Variants in KICS2 observed in about 807,000 individuals in gnomAD.
KICS2 encodes KICSTOR subunit 2.
Under a neutral mutation model 31.4 loss-of-function variants are expected in KICS2, and 13 were observed. The ratio of observed to expected loss-of-function variants is 0.41; its 90% CI spans 0.27 to 0.66. The LOEUF (loss-of-function observed/expected upper bound fraction) is 0.66, where lower values mean the gene tolerates loss of function less well. Among genes scored for constraint, KICS2 ranks in the 30% least tolerant of loss-of-function variants. The pLI is 0.28. For synonymous variants in KICS2, 209 were observed against 214.8 expected (o/e 0.97, Z 0.24); for missense variants, 455 against 545.4 (o/e 0.83, Z 1.65).
At position 64,215,830 on chromosome 12, in the gene KICS2, G is replaced by A. The variant is rs756122982; in HGVS notation, c.369C>T (p.Ser123=). ...GTAPHVEELL[S]HLSEQLCFFV... is the part of the protein sequence containing the mutation. ...AGAAGCAGAGCTGCTCTGACAGGTG[G>A]GAAAGGAGTTCTTCCACGTGAGGAG... The change falls in exon 2 of 3, where the codon TCC becomes TCT. Residue 123 remains serine, a synonymous_variant. Coordinates refer to ENST00000398055, the MANE Select transcript of KICS2 (RefSeq NM_152440.5). 6.2e-7 allele frequency: 1 copy of A among 1,613,962 alleles called. No individual in the cohort carries two copies. The highest frequency in any genetic ancestry group is 8.5e-7 in the Non-Finnish European group (1 of 1,179,986).
At chr12:64,212,232 C>T (rs151155497) in intron 2 of KICS2, among the ~76,000 whole-genome samples, 2 of 152,216 alleles carry the variant, frequency 1.3e-5, no homozygotes, top group Non-Finnish European at 2.9e-5. Flanking sequence ...CAGAATTGCG[C>T]AACCATCACC....
intron 2 of KICS2, among the ~76,000 whole-genome samples, chr12:64,207,669 A>G (rs1240846565): frequency 1.3e-5 from 2 of 152,176 alleles, no homozygotes; most frequent in Non-Finnish European, 2.9e-5. Context: ...ACACATGTGG[A>G]GCAGACCTAA....
intron 2 of KICS2, among the ~76,000 whole-genome samples, chr12:64,208,506 C>A (rs1026724419): frequency 4.6e-5 from 7 of 152,174 alleles, no homozygotes; most frequent in Non-Finnish European, 7.3e-5. Flanking sequence ...ACTAGTTTTG[C>A]TTGTGAAATT....
chr12:64,206,555 T>A lies in KICS2; in HGVS notation c.521+9123A>T, dbSNP rs1336642219. Among the ~76,000 whole-genome samples, 4 of 152,166 alleles carry A rather than the reference T, an allele frequency of 2.6e-5. No homozygotes were observed. The East Asian group carries it at 7.7e-4, about 29-fold the overall frequency. On this transcript the variant is annotated intron_variant, in intron 2 of 2. Coordinates refer to ENST00000398055, the MANE Select transcript of KICS2 (RefSeq NM_152440.5). ...CAGAGGAAGGAACAATTCCTTTTGGTCAAAAGATTGTGGAAGCCATAGAGG... is the reference window on the plus strand; with the variant it reads ...CAGAGGAAGGAACAATTCCTTTTGGACAAAAGATTGTGGAAGCCATAGAGG...
At chr12:64,221,908 G>A in intron 1 of KICS2, 95 bp downstream of exon 1, 4 of 1,329,458 alleles carry the variant, frequency 3.0e-6, no homozygotes, top group Middle Eastern at 2.5e-4. Flanking sequence ...GCGACTAGAA[G>A]TGACACAGAG....
At position 64,193,780 on chromosome 12, in the gene KICS2, T is replaced by A. The variant is rs544852380; in HGVS notation, c.*62A>T. On this transcript the variant is annotated 3_prime_UTR_variant, in exon 3 of 3. Transcript: ENST00000398055. ...TGTAAACTCTATTCACAGACCACCGTAGATCATTAGGGCAATTAAGAACAG... is the reference window on the plus strand; with the variant it reads ...TGTAAACTCTATTCACAGACCACCGAAGATCATTAGGGCAATTAAGAACAG... The A allele has an allele frequency of 2.5e-5, 39 of 1,531,010 alleles. No individual in the cohort carries two copies. The highest frequency in any genetic ancestry group is 3.2e-5 in the Non-Finnish European group (37 of 1,140,174). 94.8% of individuals were successfully genotyped at this position (1,531,010 alleles called of 1,614,324 possible). A position where few individuals can be genotyped will look rare whatever the true frequency, so the allele number is the denominator to read the frequency against.
Position 64,194,648 on chromosome 12 carries a change from G to T in KICS2, c.532C>A (p.Pro178Thr). The T allele has an allele frequency of 6.2e-7, 1 of 1,608,138 alleles. No individual in the cohort carries two copies. Among genetic ancestry groups the T allele is most frequent in the African/African-American group, 1.3e-5 (1 of 74,836 alleles). ...MKKYSSRFHH[P>T]ILSPLESSFQ... ...CTGCTTTCCAAAGGACTGAGGATTG[G>T]GTGGTGAAATCTAAAGGGGAGAGGG... Residue 178 changes from proline to threonine, a missense_variant, in exon 3 of 3, where the codon CCA becomes ACA. Pro to Thr is a conservative substitution (Grantham distance 38). Transcript: ENST00000398055.
chr12:64,221,895 C>G, intron 1 of KICS2, 108 bp downstream of exon 1: 1 of 1,229,274 alleles, frequency 8.1e-7, no homozygotes, highest in South Asian at 1.5e-5. Context: ...CCGAGTCGAG[C>G]CTGCGACTAG....
At position 64,192,558 on chromosome 12, in the gene KICS2, A is replaced by C. The variant is rs1412695408; in HGVS notation, c.*1284T>G. The C allele has an allele frequency of 1.0e-6, 1 of 970,904 alleles. No individual in the cohort carries two copies. 60.1% of individuals were successfully genotyped at this position (970,904 alleles called of 1,614,324 possible). A position where few individuals can be genotyped will look rare whatever the true frequency, so the allele number is the denominator to read the frequency against. On this transcript the variant is annotated 3_prime_UTR_variant, in exon 3 of 3. Coordinates refer to ENST00000398055, the MANE Select transcript of KICS2 (RefSeq NM_152440.5). ...ACACCCAGTAAAACAGTGGCTCCACACAATCATGGGAAAAAAGACGAATAT... is the reference window on the plus strand; with the variant it reads ...ACACCCAGTAAAACAGTGGCTCCACCCAATCATGGGAAAAAAGACGAATAT...
At chr12:64,203,134 C>G (rs2037506221) in intron 2 of KICS2, among the ~76,000 whole-genome samples, 2 of 152,190 alleles carry the variant, frequency 1.3e-5, no homozygotes, top group Non-Finnish European at 2.9e-5. Context: ...ATAGCTGCCT[C>G]CTCTATTCGC....
chr12:64,188,699 C>T (rs1454592576), downstream of KICS2, among the ~76,000 whole-genome samples: 2 of 151,640 alleles, frequency 1.3e-5, no homozygotes, highest in Admixed American at 6.6e-5. Flanking sequence ...ATAATATTTA[C>T]CAAAAAAAAT....
chr12:64,192,670 C>A lies in KICS2; in HGVS notation c.*1172G>T. The A allele has an allele frequency of 1.0e-6, 1 of 985,404 alleles. No homozygotes were observed. The highest frequency in any genetic ancestry group is 1.2e-6 in the Non-Finnish European group (1 of 829,928). The allele number at this position is 985,404 out of a possible 1,614,324, so 61.0% of individuals were successfully genotyped here. ...TTTGTGGCTTCTTTTTATTTTGAAT[C>A]AATAATCTAGAAGTGAAGGTCTCCA... On this transcript the variant is annotated 3_prime_UTR_variant, in exon 3 of 3. Transcript: ENST00000398055.
downstream of KICS2, among the ~76,000 whole-genome samples, chr12:64,188,202 G>C (rs2575294): frequency 6.6e-6 from 1 of 152,192 alleles, no homozygotes; most frequent in Non-Finnish European, 1.5e-5. Context: ...TAAAGCAGAA[G>C]CTATGAGAAA....
At chr12:64,219,897 G>C (rs2037663653) in intron 1 of KICS2, among the ~76,000 whole-genome samples, 1 of 152,176 alleles carries the variant, frequency 6.6e-6, no homozygotes, top group South Asian at 2.1e-4. Context: ...GAGCAAAGTA[G>C]TTGGAGAACA....
intron 2 of KICS2, among the ~76,000 whole-genome samples, chr12:64,206,084 A>T (rs1245925818): frequency 6.6e-6 from 1 of 152,132 alleles, no homozygotes; most frequent in Non-Finnish European, 1.5e-5. Flanking sequence ...ACACCCAGCT[A>T]ATTTTTAAAT....
At chr12:64,210,730 G>C (rs2037575314) in intron 2 of KICS2, among the ~76,000 whole-genome samples, 1 of 152,174 alleles carries the variant, frequency 6.6e-6, no homozygotes, top group South Asian at 2.1e-4. Flanking sequence ...TGAGCCGAGA[G>C]AGCGCCACTG....
At chr12:64,203,480 C>T (rs2037509054) in intron 2 of KICS2, among the ~76,000 whole-genome samples, 1 of 152,178 alleles carries the variant, frequency 6.6e-6, no homozygotes, top group Non-Finnish European at 1.5e-5. Flanking sequence ...CAAGTGATCC[C>T]ACTGTAAAGG....
intron 1 of KICS2, among the ~76,000 whole-genome samples, chr12:64,220,248 A>G (rs2037668114): frequency 6.6e-6 from 1 of 152,206 alleles, no homozygotes; most frequent in African/African-American, 2.4e-5. Context: ...GCTGGGGTTC[A>G]AGCAGAACTA....
intron 2 of KICS2, among the ~76,000 whole-genome samples, chr12:64,201,723 A>G (rs1210876456): frequency 6.6e-6 from 1 of 151,896 alleles, no homozygotes; most frequent in Non-Finnish European, 1.5e-5. Flanking sequence ...TGTGCCTGTA[A>G]TCCCAGCTAC....
Sources: gnomAD v4.1 joint callset for allele counts (sites outside exome capture counted in the v4.1 genomes callset) on GRCh38, gnomAD v4.1.1 for gene constraint, MANE v1.5 for transcripts, NCBI Gene and HGNC (gene_info 2026-07-23, HGNC 2026-07-21) for gene names.